The following NLK variants were observed in gnomAD, a reference collection of about 807,000 sequenced individuals.
NLK encodes nemo like kinase.
A neutral mutation model predicts 59.0 loss-of-function variants in NLK; 11 were observed. That is an observed-to-expected ratio of 0.19 (90% CI 0.12 to 0.31). NLK has a LOEUF of 0.31. Ranked by LOEUF, NLK falls within the 10% of genes least tolerant of loss-of-function variation. The probability of loss-of-function intolerance (pLI) is 1.00; values close to 1 mark genes in which losing one functional copy is unlikely to be tolerated. For missense variants in NLK, 410 were observed against 661.1 expected (o/e 0.62, Z 4.16); for synonymous variants, 235 against 235.9 (o/e 1.00, Z 0.03).
intron 2 of NLK, among the ~76,000 whole-genome samples, chr17:28,123,509 G>A (rs956265163): frequency 6.6e-6 from 1 of 152,112 alleles, no homozygotes. Context: ...TTTAGCCGAG[G>A]AATAATACTA....
chr17:28,044,693 T>G (rs1426599121), intron 1 of NLK, among the ~76,000 whole-genome samples: 1 of 152,216 alleles, frequency 6.6e-6, no homozygotes, highest in East Asian at 1.9e-4. Context: ...CTCAGAGATT[T>G]AACTGTGAAC....
chr17:28,181,776 C>T (rs1388754369), intron 7 of NLK, among the ~76,000 whole-genome samples: 1 of 151,876 alleles, frequency 6.6e-6, no homozygotes, highest in African/African-American at 2.4e-5. Context: ...TTTGGGAGGC[C>T]GAGGAGGGCC....
chr17:28,125,397 T>C (rs1350703792), intron 2 of NLK, among the ~76,000 whole-genome samples: 3 of 152,234 alleles, frequency 2.0e-5, no homozygotes, highest in African/African-American at 7.2e-5. Flanking sequence ...CTCCAATCTT[T>C]AAGTTTTTTT....
intron 1 of NLK, among the ~76,000 whole-genome samples, chr17:28,071,250 A>G (rs1909997749): frequency 1.3e-5 from 2 of 152,218 alleles, no homozygotes; most frequent in Non-Finnish European, 2.9e-5. Context: ...TACTTGTTTT[A>G]ATTCAAGATT....
intron 9 of NLK, 104 bp from the exon 10 acceptor site, chr17:28,192,016 C>A: frequency 3.2e-6 from 2 of 624,090 alleles, no homozygotes; most frequent in South Asian, 2.0e-5. Flanking sequence ...TTTAACTAAA[C>A]CAGTAGGCAG....
intron 10 of NLK, 128 bp downstream of exon 10, chr17:28,192,341 T>C (rs556218267): frequency 2.4e-5 from 15 of 621,460 alleles, no homozygotes; most frequent in Admixed American, 8.3e-5. Flanking sequence ...GTTTCTGTTA[T>C]GAGGTTTGGC....
At position 28,163,418 on chromosome 17, in the gene NLK, T is replaced by C. The variant is rs961050719; in HGVS notation, c.752-125T>C. The C allele has an allele frequency of 6.7e-5, 40 of 592,968 alleles. No individual in the cohort carries two copies. The Middle Eastern group carries it at 2.2e-3, about 33-fold the overall frequency. 36.7% of individuals were successfully genotyped at this position (592,968 alleles called of 1,614,324 possible). On this transcript the variant is annotated intron_variant, in intron 4 of 10. Transcript: ENST00000407008. ...GAGGTGGGACTAGCTTTTAATAATG[T>C]TCATTATGCAGTTATTTAGGGAACA...
chr17:28,190,471 T>C (rs759965861), intron 8 of NLK, among the ~76,000 whole-genome samples: 2 of 152,154 alleles, frequency 1.3e-5, no homozygotes, highest in African/African-American at 2.4e-5. Flanking sequence ...AACAAAAAGC[T>C]AGACTAGACT....
At chr17:28,074,121 G>A (rs1910095919) in intron 1 of NLK, among the ~76,000 whole-genome samples, 1 of 152,178 alleles carries the variant, frequency 6.6e-6, no homozygotes, top group South Asian at 2.1e-4. Flanking sequence ...CCTATTTAAG[G>A]ATGGATTAAA....
At chr17:28,138,255 C>T (rs1329128341) in intron 3 of NLK, among the ~76,000 whole-genome samples, 3 of 152,202 alleles carry the variant, frequency 2.0e-5, no homozygotes, top group Non-Finnish European at 4.4e-5. Flanking sequence ...TGAAGCATAA[C>T]TTAGCATTCT....
intron 7 of NLK, 45 bp downstream of exon 7, chr17:28,172,663 C>A: frequency 9.1e-7 from 1 of 1,095,288 alleles, no homozygotes; most frequent in African/African-American, 1.6e-5. Context: ...TCTGTTTGGG[C>A]AAGATTTCCC....
the NLK span, among the ~76,000 whole-genome samples, chr17:28,203,681 C>T: frequency 1.9e-3 from 286 of 152,238 alleles, 2 homozygotes; most frequent in East Asian, 0.025. Context: ...GGACTACAGG[C>T]GCCTGCCACC....
intron 1 of NLK, among the ~76,000 whole-genome samples, chr17:28,110,600 C>G (rs984924915): frequency 6.6e-6 from 1 of 151,792 alleles, no homozygotes; most frequent in Admixed American, 6.6e-5. Context: ...TTTCTTGCTC[C>G]TTTCCTCCTG....
rs185115897 is a variant in NLK at position 28,143,829 on chromosome 17, T to C, written c.644+11154T>C. Reference sequence around the variant, plus strand: ...TTACATAAGACAGTATCACAACTTTTCACACATACGCACAACTTGAACTGT... The same window carrying C: ...TTACATAAGACAGTATCACAACTTTCCACACATACGCACAACTTGAACTGT... On this transcript the variant is annotated intron_variant, in intron 3 of 10. Coordinates refer to ENST00000407008, the MANE Select transcript of NLK (RefSeq NM_016231.5). Among the ~76,000 whole-genome samples the C allele has an allele frequency of 9.1e-4, 139 of 152,324 alleles. 1 individual carries two copies. Among genetic ancestry groups the C allele is most frequent in the African/African-American group, 3.2e-3 (134 of 41,578 alleles).
intron 1 of NLK, among the ~76,000 whole-genome samples, chr17:28,119,537 A>G (rs528296874): frequency 6.6e-6 from 1 of 152,202 alleles, no homozygotes; most frequent in Non-Finnish European, 1.5e-5. Flanking sequence ...TGGAAAGGGC[A>G]CTGTGTTAAA....
At chr17:28,081,351 A>C (rs1910340102) in intron 1 of NLK, among the ~76,000 whole-genome samples, 1 of 151,672 alleles carries the variant, frequency 6.6e-6, no homozygotes, top group African/African-American at 2.4e-5. Flanking sequence ...TGCCCAGCTA[A>C]TTTAAAAAAA....
At chr17:28,182,056 AACTTCAGAAATCAGATGGTCCAACCCC>A (rs1327231906) in intron 7 of NLK, among the ~76,000 whole-genome samples, 1 of 152,198 alleles carries the variant, frequency 6.6e-6, no homozygotes, top group African/African-American at 2.4e-5. Flanking sequence ...AACTAAAGTA[AACTTCAGAAATCAGATGGTCCAACCCC>A]CTCATTTTAT....
At chr17:28,106,805 C>T (rs571225880) in intron 1 of NLK, among the ~76,000 whole-genome samples, 1 of 152,206 alleles carries the variant, frequency 6.6e-6, no homozygotes, top group East Asian at 1.9e-4. Flanking sequence ...AAAAAATCCC[C>T]ATCACCAATT....
intron 3 of NLK, among the ~76,000 whole-genome samples, chr17:28,147,636 A>G (rs544067707): frequency 1.3e-5 from 2 of 152,090 alleles, no homozygotes; most frequent in African/African-American, 2.4e-5. Context: ...GTACAGGCCT[A>G]TTTTTAATTC....
Sources: allele counts gnomAD v4.1 joint callset (sites outside exome capture counted in the v4.1 genomes callset), GRCh38; gene constraint gnomAD v4.1.1; transcripts MANE v1.5; gene names NCBI Gene and HGNC (gene_info 2026-07-23, HGNC 2026-07-21).